The following OPCML variants were observed in gnomAD, a reference collection of about 807,000 sequenced individuals.
OPCML encodes opioid-binding protein/cell adhesion molecule.
OPCML carries 13 observed loss-of-function variants against 37.8 expected under a neutral mutation model. The observed-to-expected ratio is 0.34, with a 90% CI of 0.22 to 0.55. OPCML has a LOEUF of 0.55. OPCML is among the 20% of genes least tolerant of loss of function. The probability of loss-of-function intolerance (pLI) is 0.91; values close to 1 mark genes in which losing one functional copy is unlikely to be tolerated. For synonymous variants in OPCML, 176 were observed against 168.8 expected, an observed-to-expected ratio of 1.04 and a Z score of -0.33; for missense variants, 341 against 435.6, an observed-to-expected ratio of 0.78 and a Z score of 1.93.
At chr11:132,760,843 G>T (rs1386978134) in intron 2 of OPCML, among the ~76,000 whole-genome samples, 2 of 152,068 alleles carry the variant, frequency 1.3e-5, no homozygotes, top group African/African-American at 4.8e-5. Flanking sequence ...CTGTCATTAT[G>T]ATGCTAACTG....
At chr11:133,421,760 A>C in intron 1 of OPCML, 2 of 985,434 alleles carry the variant, frequency 2.0e-6, no homozygotes, top group Non-Finnish European at 2.4e-6. Context: ...TGACACCAAC[A>C]GTCCTTAATG....
At chr11:132,599,012 GT>G (rs752513681) in intron 3 of OPCML, among the ~76,000 whole-genome samples, 20 of 152,026 alleles carry the variant, frequency 1.3e-4, no homozygotes, top group Non-Finnish European at 2.4e-4. Flanking sequence ...ATGTGCAGTG[GT>G]TCATGCCTGT....
At chr11:133,383,931 C>A (rs1407485646) in intron 1 of OPCML, among the ~76,000 whole-genome samples, 3 of 152,056 alleles carry the variant, frequency 2.0e-5, no homozygotes, top group East Asian at 1.9e-4. Flanking sequence ...GAGAAGGGTG[C>A]AGGCTTGTCA....
chr11:133,527,195 C>A (rs1948508082), intron 1 of OPCML, among the ~76,000 whole-genome samples: 1 of 152,210 alleles, frequency 6.6e-6, no homozygotes, highest in Non-Finnish European at 1.5e-5. Context: ...TTCCAGCTGT[C>A]CAAGGCTGAC....
intron 1 of OPCML, among the ~76,000 whole-genome samples, chr11:133,497,358 A>G (rs1947807608): frequency 6.6e-6 from 1 of 152,076 alleles, no homozygotes; most frequent in South Asian, 2.1e-4. Context: ...AGTTTCCTGA[A>G]TTTTTGATAG....
intron 1 of OPCML, among the ~76,000 whole-genome samples, chr11:133,462,971 T>C (rs1946889813): frequency 6.6e-6 from 1 of 152,072 alleles, no homozygotes; most frequent in African/African-American, 2.4e-5. Context: ...CAAAATGTGA[T>C]ATGTACACAC....
intron 2 of OPCML, among the ~76,000 whole-genome samples, chr11:132,927,786 T>C (rs1331339626): frequency 1.3e-5 from 2 of 152,046 alleles, no homozygotes; most frequent in Non-Finnish European, 2.9e-5. Flanking sequence ...GGGTACACAA[T>C]GTATAAACCA....
chr11:133,183,623 G>A (rs552960135), intron 1 of OPCML, among the ~76,000 whole-genome samples: 3 of 152,124 alleles, frequency 2.0e-5, no homozygotes, highest in East Asian at 1.9e-4. Context: ...CTAAATTTTC[G>A]AGAGTGTATT....
chr11:133,191,379 T>C (rs1256707644), intron 1 of OPCML, among the ~76,000 whole-genome samples: 1 of 152,168 alleles, frequency 6.6e-6, no homozygotes, highest in Non-Finnish European at 1.5e-5. Context: ...TTAATGATTG[T>C]AGAGGGTAAT....
intron 1 of OPCML, among the ~76,000 whole-genome samples, chr11:133,314,117 C>T (rs2136601945): frequency 6.7e-6 from 1 of 150,198 alleles, no homozygotes. Flanking sequence ...CGCCTGTAGT[C>T]CCAGCTACTT....
Position 132,420,223 on chromosome 11 carries a change from G to T in OPCML, c.987C>A (p.Thr329=), listed in dbSNP as rs759709063. ...RALACLWLSG[T]LLAHFFIKF ...ACTTGATGAAGAAGTGGGCTAAGAG[G>T]GTCCCTGATAGCCAGAGACAAGCCA... The change falls in exon 8 of 8, where the codon ACC becomes ACA. Residue 329 remains threonine, a synonymous_variant. Transcript: ENST00000524381. 3.1e-6 allele frequency: 5 copies of T among 1,613,754 alleles called. No homozygotes were observed. The African/African-American group carries it at 6.7e-5, about 22-fold the overall frequency.
At chr11:133,273,099 C>G (rs1433261630) in intron 1 of OPCML, among the ~76,000 whole-genome samples, 1 of 152,158 alleles carries the variant, frequency 6.6e-6, no homozygotes, top group Non-Finnish European at 1.5e-5. Flanking sequence ...GGCAGAGCAC[C>G]AGATAGCAGC....
chr11:133,532,208 C>T (rs1476511932), intron 1 of OPCML, 56 bp downstream of exon 1: 5 of 1,592,276 alleles, frequency 3.1e-6, no homozygotes, highest in Non-Finnish European at 4.3e-6. Context: ...GCCTCTCCTG[C>T]TCTCACGTCG....
At chr11:133,294,495 A>G (rs1423967335) in intron 1 of OPCML, among the ~76,000 whole-genome samples, 1 of 152,076 alleles carries the variant, frequency 6.6e-6, no homozygotes, top group East Asian at 1.9e-4. Flanking sequence ...CATTTGTTGA[A>G]CAAATATTTC....
chr11:133,072,059 G>A (rs59305278), intron 1 of OPCML, among the ~76,000 whole-genome samples: 113 of 152,214 alleles, frequency 7.4e-4, no homozygotes, highest in African/African-American at 2.6e-3. Flanking sequence ...CTTGTTTACC[G>A]TACTCAGACT....
At chr11:132,829,459 C>A (rs1448999391) in intron 2 of OPCML, among the ~76,000 whole-genome samples, 1 of 152,124 alleles carries the variant, frequency 6.6e-6, no homozygotes, top group Non-Finnish European at 1.5e-5. Flanking sequence ...GGGCAAGGAC[C>A]AGTACAAAGC....
At chr11:132,838,586 TG>T (rs1941148501) in intron 2 of OPCML, among the ~76,000 whole-genome samples, 1 of 152,230 alleles carries the variant, frequency 6.6e-6, no homozygotes, top group South Asian at 2.1e-4. Flanking sequence ...AAAGCATTGC[TG>T]GCATAATTTT....
At chr11:133,449,157 A>G (rs1591512593) in intron 1 of OPCML, among the ~76,000 whole-genome samples, 1 of 152,218 alleles carries the variant, frequency 6.6e-6, no homozygotes, top group Non-Finnish European at 1.5e-5. Flanking sequence ...AGGTGTTGAG[A>G]AATGACATGA....
intron 1 of OPCML, among the ~76,000 whole-genome samples, chr11:133,511,021 C>A (rs1256457401): frequency 6.6e-6 from 1 of 152,184 alleles, no homozygotes; most frequent in Non-Finnish European, 1.5e-5. Context: ...CCCTAAAGCC[C>A]TGTTCCACCA....
Sources: allele counts gnomAD v4.1 joint callset (sites outside exome capture counted in the v4.1 genomes callset), GRCh38; gene constraint gnomAD v4.1.1; transcripts MANE v1.5; gene names NCBI Gene and HGNC (gene_info 2026-07-23, HGNC 2026-07-21).